The following ARHGEF28 variants were observed in gnomAD, a reference collection of about 807,000 sequenced individuals.
ARHGEF28 encodes the protein 190 kDa guanine nucleotide exchange factor.
In ARHGEF28, 152 loss-of-function variants were observed where a neutral mutation model predicts 206.6. The ratio of observed to expected loss-of-function variants is 0.74; its 90% CI spans 0.64 to 0.84. The LOEUF is 0.84. Ranked by LOEUF, ARHGEF28 falls within the 40% of genes least tolerant of loss-of-function variation. ARHGEF28 has a pLI of 0.00. For synonymous variants in ARHGEF28, 763 were observed against 776.4 expected (o/e 0.98, Z 0.29); for missense variants, 2,028 against 2,073.2 (o/e 0.98, Z 0.42).
At position 73,783,360 on chromosome 5, in the gene ARHGEF28, G is replaced by GTGTT. The variant is rs1159240681; in HGVS notation, c.910+2618_910+2619insTTGT. ...CCTGGAATATAGTGTGTGTGTGTGT[G>GTGTT]TGTGTGTGTGTGTGTGTGTGTGTGT... On this transcript the variant is annotated intron_variant, in intron 7 of 35. Transcript: ENST00000513042. 6.7e-5 allele frequency among the ~76,000 whole-genome samples: 7 copies of GTGTT among 104,570 alleles called. No individual in the cohort carries two copies. The East Asian group carries it at 2.3e-3, about 34-fold the overall frequency. The allele number at this position is 104,570 out of a possible 152,430, so 68.6% of individuals were successfully genotyped here.
chr5:73,858,360 A>C, intron 16 of ARHGEF28, 141 bp downstream of exon 16: 2 of 1,139,348 alleles, frequency 1.8e-6, no homozygotes, highest in Non-Finnish European at 2.4e-6. Context: ...GCAAGGACTG[A>C]TACTGGTTAG....
intron 35 of ARHGEF28, among the ~76,000 whole-genome samples, chr5:73,933,323 C>G (rs1041058315): frequency 1.2e-4 from 18 of 152,196 alleles, no homozygotes; most frequent in African/African-American, 3.9e-4. Flanking sequence ...CTGAATCTAT[C>G]TTCTTTTTAA....
intron 9 of ARHGEF28, among the ~76,000 whole-genome samples, chr5:73,820,514 G>C (rs1580664361): frequency 6.6e-6 from 1 of 152,092 alleles, no homozygotes; most frequent in South Asian, 2.1e-4. Flanking sequence ...CTTTATTACT[G>C]GGTGTTCTGG....
At chr5:73,701,086 C>T (rs151309006) in intron 2 of ARHGEF28, among the ~76,000 whole-genome samples, 1 of 152,180 alleles carries the variant, frequency 6.6e-6, no homozygotes, top group East Asian at 1.9e-4. Flanking sequence ...GAAAAGTTAC[C>T]TATACATAAA....
At chr5:73,693,675 T>C (rs1311393829) in intron 2 of ARHGEF28, among the ~76,000 whole-genome samples, 1 of 152,238 alleles carries the variant, frequency 6.6e-6, no homozygotes, top group East Asian at 1.9e-4. Flanking sequence ...ATATTAACTT[T>C]ACTTGTGTCT....
chr5:73,633,570 ATTTTTTTT>A (rs764440038), intron 1 of ARHGEF28, among the ~76,000 whole-genome samples: 5 of 101,060 alleles, frequency 4.9e-5, no homozygotes, highest in Admixed American at 1.2e-4. Context: ...AATACCTTTA[ATTTTTTTT>A]TTTTTTTTTT....
At chr5:73,703,869 C>G (rs994416527) in intron 2 of ARHGEF28, among the ~76,000 whole-genome samples, 1 of 151,974 alleles carries the variant, frequency 6.6e-6, no homozygotes, top group East Asian at 1.9e-4. Context: ...AACCCCGTCT[C>G]TACTAAAAAT....
intron 2 of ARHGEF28, among the ~76,000 whole-genome samples, chr5:73,702,829 T>C (rs541850285): frequency 1.3e-5 from 2 of 152,306 alleles, no homozygotes; most frequent in Non-Finnish European, 2.9e-5. Flanking sequence ...TTAGGGTCCT[T>C]CCCACCTTTC....
chr5:73,758,768 G>A (rs1292003808), intron 4 of ARHGEF28, among the ~76,000 whole-genome samples: 1 of 152,088 alleles, frequency 6.6e-6, no homozygotes, highest in Non-Finnish European at 1.5e-5. Context: ...GGCCAGTCTG[G>A]TCTCGAACTC....
chr5:73,864,579 G>T (rs1432751809), intron 16 of ARHGEF28, among the ~76,000 whole-genome samples: 2 of 152,232 alleles, frequency 1.3e-5, no homozygotes, highest in Non-Finnish European at 2.9e-5. Flanking sequence ...TAATTGATAA[G>T]ATCCTGTGTA....
At chr5:73,680,469 C>T (rs1440161893) in intron 1 of ARHGEF28, among the ~76,000 whole-genome samples, 9 of 129,932 alleles carry the variant, frequency 6.9e-5, no homozygotes, top group Non-Finnish European at 1.4e-4. Flanking sequence ...AAAAGGGATT[C>T]ACTCTTCAGA....
At chr5:73,727,346 A>G (rs1050253349) in intron 2 of ARHGEF28, among the ~76,000 whole-genome samples, 8 of 152,130 alleles carry the variant, frequency 5.3e-5, no homozygotes, top group Non-Finnish European at 1.0e-4. Context: ...ATCTTTTGTG[A>G]CCACTTTCAC....
intron 2 of ARHGEF28, among the ~76,000 whole-genome samples, chr5:73,735,763 T>G (rs1750888487): frequency 6.6e-6 from 1 of 152,236 alleles, no homozygotes; most frequent in Non-Finnish European, 1.5e-5. Context: ...TCTGCCTTCA[T>G]GTCCAGCTTC....
intron 23 of ARHGEF28, 34 bp from the exon 24 acceptor site, chr5:73,883,733 G>T: frequency 7.2e-7 from 1 of 1,391,040 alleles, no homozygotes; most frequent in South Asian, 1.4e-5. Context: ...AATACAGGTA[G>T]AATTTGTGTA....
In ARHGEF28 at chr5:73,857,760, G is replaced by A. The variant is rs77144422; in HGVS notation, c.1895G>A (p.Ser632Asn). The change falls in exon 15 of 36, where the codon AGC becomes AAC. Residue 632 changes from serine to asparagine, a missense_variant. Coordinates refer to ENST00000513042, the MANE Select transcript of ARHGEF28 (RefSeq NM_001177693.2). ...TFSFLMNRMT[S>N]PRNKSKTKSK... ...AGTTTCCTCATGAATAGGATGACTA[G>A]CCCTCGGAATAAATCAAAGGTAATT... 1 of 1,612,802 alleles carries A rather than the reference G, an allele frequency of 6.2e-7. No individual in the cohort carries two copies. The highest frequency in any genetic ancestry group is 1.1e-5 in the South Asian group (1 of 90,848).
chr5:73,887,994 C>T (rs1484189194), intron 26 of ARHGEF28, among the ~76,000 whole-genome samples: 2 of 152,212 alleles, frequency 1.3e-5, no homozygotes, highest in Admixed American at 6.5e-5. Flanking sequence ...AATGTCCCCA[C>T]GCCATCTAGC....
chr5:73,767,570 G>A (rs968482113), intron 4 of ARHGEF28, among the ~76,000 whole-genome samples: 1 of 152,096 alleles, frequency 6.6e-6, no homozygotes, highest in Non-Finnish European at 1.5e-5. Context: ...TTGAACTTGA[G>A]AGCCATGATT....
At chr5:73,916,854 GT>G (rs1163397282) in intron 35 of ARHGEF28, among the ~76,000 whole-genome samples, 1 of 152,126 alleles carries the variant, frequency 6.6e-6, no homozygotes, top group African/African-American at 2.4e-5. Flanking sequence ...AACATTGTTA[GT>G]TTTTTGACTT....
intron 2 of ARHGEF28, among the ~76,000 whole-genome samples, chr5:73,722,347 A>C (rs1173054482): frequency 1.3e-5 from 2 of 152,224 alleles, no homozygotes; most frequent in Admixed American, 6.5e-5. Context: ...AAACTCAGAG[A>C]AATTATAAAT....
Sources: gnomAD v4.1 joint callset for allele counts (sites outside exome capture counted in the v4.1 genomes callset) on GRCh38, gnomAD v4.1.1 for gene constraint, MANE v1.5 for transcripts, NCBI Gene and HGNC (gene_info 2026-07-23, HGNC 2026-07-21) for gene names.